The following ECHDC3 variants were observed in gnomAD, a reference collection of about 807,000 sequenced individuals.
ECHDC3 encodes the protein enoyl-CoA hydratase domain-containing protein 3, mitochondrial.
Under a neutral mutation model 17.9 loss-of-function variants are expected in ECHDC3, and 20 were observed. That is an observed-to-expected ratio of 1.12 (90% CI 0.79 to 1.63). The LOEUF (loss-of-function observed/expected upper bound fraction) is 1.63, where lower values mean the gene tolerates loss of function less well. Among genes scored for constraint, ECHDC3 ranks in the 40% most tolerant of loss-of-function variants. The pLI is 0.00. For synonymous variants in ECHDC3, 177 were observed against 149.7 expected, an observed-to-expected ratio of 1.18 and a Z score of -1.33; for missense variants, 407 against 357.7, an observed-to-expected ratio of 1.14 and a Z score of -1.11.
intron 3 of ECHDC3, among the ~76,000 whole-genome samples, chr10:11,750,961 G>A (rs1251367028): frequency 2.6e-5 from 4 of 152,176 alleles, no homozygotes; most frequent in Non-Finnish European, 5.9e-5. Flanking sequence ...CTACATGGAA[G>A]GATAAACAGG....
chr10:11,749,057 A>C (rs1310078774), intron 2 of ECHDC3, among the ~76,000 whole-genome samples: 1 of 152,204 alleles, frequency 6.6e-6, no homozygotes, highest in Non-Finnish European at 1.5e-5. Context: ...TCACCTTCCC[A>C]CTTCAGCCAT....
intron 4 of ECHDC3, among the ~76,000 whole-genome samples, chr10:11,760,873 A>G (rs1040821908): frequency 3.3e-5 from 5 of 152,238 alleles, no homozygotes; most frequent in Non-Finnish European, 5.9e-5. Context: ...TGGTTCAACC[A>G]GGGCTTCAGA....
At chr10:11,750,217 A>C (rs749692263) in intron 3 of ECHDC3, among the ~76,000 whole-genome samples, 2 of 152,194 alleles carry the variant, frequency 1.3e-5, no homozygotes, top group Non-Finnish European at 2.9e-5. Context: ...ATGTCTTGGT[A>C]TAGAAGTTTG....
chr10:11,749,773 CTTTTTTTTTTTTTTTTTTTTT>C (rs869115508), intron 3 of ECHDC3, among the ~76,000 whole-genome samples, 181 bp downstream of exon 3: 4 of 65,526 alleles, frequency 6.1e-5, no homozygotes, highest in East Asian at 6.0e-4. Flanking sequence ...TGGTTTAGAC[CTTTTTTTTTTTTTTTTTTTTT>C]TTTTTTTTTT....
At chr10:11,758,997 G>A (rs1204152822) in intron 4 of ECHDC3, among the ~76,000 whole-genome samples, 1 of 152,212 alleles carries the variant, frequency 6.6e-6, no homozygotes, top group African/African-American at 2.4e-5. Context: ...GGAAGGTGGG[G>A]CCTTTGGGGG....
At chr10:11,760,971 A>T (rs10906010) in intron 4 of ECHDC3, among the ~76,000 whole-genome samples, 3 of 151,788 alleles carry the variant, frequency 2.0e-5, no homozygotes, top group Non-Finnish European at 4.4e-5. Context: ...GCTTCCTCCA[A>T]CGTAAAATCG....
chr10:11,747,434 G>T lies in ECHDC3; in HGVS notation c.256G>T (p.Ala86Ser), dbSNP rs544702970. 6.2e-7 allele frequency: 1 copy of T among 1,613,924 alleles called. No individual in the cohort carries two copies. The highest frequency in any genetic ancestry group is 2.2e-5 in the East Asian group (1 of 44,860). ...KSLQSDILHD[A>S]DSNDLKVIII... ...TCTCCAAAGTGACATTCTTCATGAC[G>T]CTGACAGCAACGATCTGAAAGTCAT... is the stretch of plus-strand genomic sequence containing the variant. Residue 86 changes from alanine to serine, a missense_variant, in exon 2 of 5, where the codon GCT becomes TCT. Ala to Ser is a moderately conservative substitution (Grantham distance 99). Transcript: ENST00000379215.
chr10:11,749,702 C>T, intron 3 of ECHDC3, 110 bp downstream of exon 3: 1 of 880,122 alleles, frequency 1.1e-6, no homozygotes, highest in Admixed American at 2.4e-5. Flanking sequence ...ACCCAAACAC[C>T]CAGAGCAACT....
At chr10:11,756,891 A>G (rs561905470) in intron 4 of ECHDC3, among the ~76,000 whole-genome samples, 11 of 152,126 alleles carry the variant, frequency 7.2e-5, no homozygotes, top group Admixed American at 3.9e-4. Flanking sequence ...ACGTGCCACC[A>G]TACCCGGCTA....
chr10:11,755,723 T>A, intron 4 of ECHDC3, 115 bp downstream of exon 4: 1 of 1,057,604 alleles, frequency 9.5e-7, no homozygotes, highest in South Asian at 1.6e-5. Context: ...ATCAGGACGT[T>A]CTGCCCAGAG....
At chr10:11,747,859 A>G (rs1749012651) in intron 2 of ECHDC3, among the ~76,000 whole-genome samples, 1 of 152,206 alleles carries the variant, frequency 6.6e-6, no homozygotes, top group African/African-American at 2.4e-5. Flanking sequence ...TTTCGAACTG[A>G]TATCTGCAGT....
chr10:11,746,328 C>CA (rs67772247), intron 1 of ECHDC3, among the ~76,000 whole-genome samples: 15 of 93,388 alleles, frequency 1.6e-4, no homozygotes, highest in African/African-American at 5.4e-4. Flanking sequence ...AACTCCATCT[C>CA]AAAAAAAAAA....
At chr10:11,757,530 A>T (rs1176763458) in intron 4 of ECHDC3, among the ~76,000 whole-genome samples, 2 of 152,180 alleles carry the variant, frequency 1.3e-5, no homozygotes, top group African/African-American at 4.8e-5. Flanking sequence ...ATCTCCAGAC[A>T]GCCCTACTCA....
In ECHDC3 at chr10:11,755,428, C is replaced by A; in HGVS notation, c.411C>A (p.Asn137Lys). ...TCSKVMMHIR[N>K]HPVPVIAMVN... ...CGCAGGTCATGATGCACATCCGGAA[C>A]CACCCCGTTCCCGTCATTGCCATGG... Residue 137 changes from asparagine to lysine, a missense_variant, in exon 4 of 5, where the codon AAC becomes AAA. Asn to Lys is a moderately conservative substitution (Grantham distance 94). Transcript: ENST00000379215. 1 of 1,612,800 alleles carries A rather than the reference C, an allele frequency of 6.2e-7. No individual in the cohort carries two copies. The highest frequency in any genetic ancestry group is 8.5e-7 in the Non-Finnish European group (1 of 1,178,974).
Position 11,764,035 on chromosome 10 carries a change from C to G in ECHDC3, c.*491C>G. 1.2e-6 allele frequency: 1 copy of G among 817,386 alleles called. No individual in the cohort carries two copies. The highest frequency in any genetic ancestry group is 1.5e-6 in the Non-Finnish European group (1 of 676,414). 50.6% of individuals were successfully genotyped at this position (817,386 alleles called of 1,614,324 possible). A position where few individuals can be genotyped will look rare whatever the true frequency, so the allele number is the denominator to read the frequency against. ...AATCATGCCTATGGCTTTGAATAAT[C>G]TTATGTGATTTAAATAAATTAAATC... On this transcript the variant is annotated 3_prime_UTR_variant, in exon 5 of 5. Coordinates refer to ENST00000379215, the MANE Select transcript of ECHDC3 (RefSeq NM_024693.5).
At chr10:11,744,584 G>A (rs999884538) in intron 1 of ECHDC3, among the ~76,000 whole-genome samples, 3 of 151,820 alleles carry the variant, frequency 2.0e-5, no homozygotes, top group African/African-American at 7.3e-5. Context: ...TTCTTAAAGA[G>A]GTTTTCTCTT....
In ECHDC3 at chr10:11,742,528, C is replaced by T. The variant is rs1025880279; in HGVS notation, c.-49C>T. On this transcript the variant is annotated 5_prime_UTR_variant, in exon 1 of 5. Coordinates refer to ENST00000379215, the MANE Select transcript of ECHDC3 (RefSeq NM_024693.5). ...GCGCCCTCGGAGCGCCCAGCACCTG[C>T]GGCCGGCCAGGCAGCGCGATCCTGC... is the stretch of plus-strand genomic sequence containing the variant. 3.2e-6 allele frequency: 4 copies of T among 1,256,046 alleles called. No individual in the cohort carries two copies. The highest frequency in any genetic ancestry group is 3.1e-5 in the African/African-American group (2 of 63,916). The allele number at this position is 1,256,046 out of a possible 1,614,324, so 77.8% of individuals were successfully genotyped here.
At chr10:11,758,345 G>A (rs565469881) in intron 4 of ECHDC3, among the ~76,000 whole-genome samples, 2 of 152,350 alleles carry the variant, frequency 1.3e-5, no homozygotes, top group Admixed American at 1.3e-4. Context: ...CCCTGAGCCA[G>A]TGCCTCAAGC....
At chr10:11,755,343 A>T in intron 3 of ECHDC3, 65 bp from the exon 4 acceptor site, 28 of 1,116,774 alleles carry the variant, frequency 2.5e-5, no homozygotes, top group Non-Finnish European at 3.4e-5. Flanking sequence ...AAAAAAAAAA[A>T]GCAATAGGCG....
Sources: gnomAD v4.1 joint callset for allele counts (sites outside exome capture counted in the v4.1 genomes callset) on GRCh38, gnomAD v4.1.1 for gene constraint, MANE v1.5 for transcripts, NCBI Gene and HGNC (gene_info 2026-07-23, HGNC 2026-07-21) for gene names.